LTV1: variants seen among roughly 807,000 people sequenced by gnomAD.
LTV1 encodes the protein protein LTV1 homolog.
Under a neutral mutation model 59.9 loss-of-function variants are expected in LTV1, and 39 were observed. That is an observed-to-expected ratio of 0.65 (90% confidence interval 0.50 to 0.85). The LOEUF is 0.85. Among genes scored for constraint, LTV1 ranks in the 40% least tolerant of loss-of-function variants. LTV1 has a pLI of 0.00. For synonymous variants in LTV1, 171 were observed against 189.5 expected, an observed-to-expected ratio of 0.90 and a Z score of 0.80; for missense variants, 493 against 549.1, an observed-to-expected ratio of 0.90 and a Z score of 1.02.
rs542585631 is a variant in LTV1, at chr6:143,857,374, A to G, written c.469A>G (p.Asn157Asp). ...DDDFDFDDPD[N>D]LLEDDFILQA... ...TGATTTTGACTTTGATGATCCAGAT[A>G]ATCTGCTTGAGGATGACTTTATTCT... Residue 157 changes from asparagine (N) to aspartate (D), a missense_variant, in exon 5 of 11, where the codon AAT becomes GAT. Asn to Asp is a conservative substitution (Grantham distance 23, BLOSUM62 1). Coordinates refer to ENST00000367576, the MANE Select transcript of LTV1 (RefSeq NM_032860.5). The surrounding 1 kb of genome is among the most constrained non-coding windows in gnomAD (Gnocchi z 5.2). 1 of 1,614,088 alleles carries G rather than the reference A, an allele frequency of 6.2e-7. No individual in the cohort carries two copies. Among genetic ancestry groups the G allele is most frequent in the South Asian group, 1.1e-5 (1 of 91,084 alleles).
At chr6:143,854,439 C>G (rs1385666219) in intron 4 of LTV1, among the ~76,000 whole-genome samples, 2 of 151,924 alleles carry the variant, frequency 1.3e-5, no homozygotes, top group Admixed American at 1.3e-4. Flanking sequence ...GTTTTCGTGT[C>G]TCTATCTCCT....
At chr6:143,856,155 C>T (rs934312928) in intron 4 of LTV1, among the ~76,000 whole-genome samples, 1 of 152,138 alleles carries the variant, frequency 6.6e-6, no homozygotes, top group African/African-American at 2.4e-5. Context: ...TTTCTCTAAT[C>T]TTGTCTTCAC....
In LTV1 at chr6:143,849,980, C is replaced by A. The variant is rs533011688; in HGVS notation, c.310-151C>A. ...GTTATAGGACCATGGTCCAGTAAGA[C>A]CTCATCTTATTATAGTTGAGAGGAC... On this transcript the variant is annotated intron_variant, in intron 3 of 10. Coordinates refer to ENST00000367576, the MANE Select transcript of LTV1 (RefSeq NM_032860.5). 5.8e-4 allele frequency: 338 copies of A among 583,994 alleles called. 1 individual carries two copies. The highest frequency in any genetic ancestry group is 5.4e-3 in the African/African-American group (288 of 53,204). 36.2% of individuals were successfully genotyped at this position (583,994 alleles called of 1,614,324 possible).
At chr6:143,858,336 A>C (rs560651184) in intron 6 of LTV1, 1 of 250,458 alleles carries the variant, frequency 4.0e-6, no homozygotes, top group East Asian at 8.4e-5. Flanking sequence ...TGGGTAACCA[A>C]AAGTAGCTGT....
chr6:143,853,868 G>A (rs1346904879), intron 4 of LTV1, among the ~76,000 whole-genome samples: 2 of 152,160 alleles, frequency 1.3e-5, no homozygotes, highest in East Asian at 1.9e-4. Context: ...TTTTATTGAC[G>A]ATTTTCGCAT....
intron 3 of LTV1, among the ~76,000 whole-genome samples, chr6:143,849,338 G>C (rs1037979811): frequency 6.6e-6 from 1 of 152,118 alleles, no homozygotes; most frequent in African/African-American, 2.4e-5. Context: ...CTAGAGATTA[G>C]GACATTATCT....
rs1398371955 is a variant in LTV1, at chr6:143,850,112, G to A, written c.310-19G>A. Reference sequence around the variant, plus strand: ...GAATTTCCAAATAAACCTAACCATTGTGCAATTTCTTTTTCAAGAGCACTG... The same window carrying A: ...GAATTTCCAAATAAACCTAACCATTATGCAATTTCTTTTTCAAGAGCACTG... On this transcript the variant is annotated intron_variant, in intron 3 of 10. Transcript: ENST00000367576. 1 of 1,597,884 alleles carries A rather than the reference G, an allele frequency of 6.3e-7. No homozygotes were observed. Among genetic ancestry groups the A allele is most frequent in the Admixed American group, 1.7e-5 (1 of 59,310 alleles).
Position 143,844,595 on chromosome 6 carries a change from G to T in LTV1, c.113G>T (p.Arg38Met), listed in dbSNP as rs776971542. 5.0e-6 allele frequency: 8 copies of T among 1,613,794 alleles called. No homozygotes were observed. The East Asian group carries it at 1.6e-4, about 31-fold the overall frequency. ...PLAADESAPQ[R>M]VLLPTQKIDN... ...GCAGCAGATGAGAGTGCACCCCAGAGGGTTCTATTGCCCACACAAAAAGTA... is the reference window on the plus strand; with the variant it reads ...GCAGCAGATGAGAGTGCACCCCAGATGGTTCTATTGCCCACACAAAAAGTA... The change falls in exon 2 of 11, where the codon AGG becomes ATG. Residue 38 changes from arginine to methionine, a missense_variant. By Grantham distance (91) the Arg-to-Met change is moderately conservative. Coordinates refer to ENST00000367576, the MANE Select transcript of LTV1 (RefSeq NM_032860.5).
intron 3 of LTV1, among the ~76,000 whole-genome samples, chr6:143,848,407 A>G (rs1483823596): frequency 6.6e-6 from 1 of 152,144 alleles, no homozygotes; most frequent in Non-Finnish European, 1.5e-5. Context: ...ATCTTTGCCC[A>G]TGTTTGTGCT....
chr6:143,850,773 A>G (rs1481065141), intron 4 of LTV1, among the ~76,000 whole-genome samples: 1 of 152,212 alleles, frequency 6.6e-6, no homozygotes, highest in Non-Finnish European at 1.5e-5. Context: ...TAATTAATTT[A>G]TTGTACAGAT....
Position 143,863,629 on chromosome 6 carries a change from C to T in LTV1, c.*102C>T. 1.5e-6 allele frequency: 1 copy of T among 650,824 alleles called. No individual in the cohort carries two copies. The highest frequency in any genetic ancestry group is 2.6e-6 in the Non-Finnish European group (1 of 381,374). 40.3% of individuals were successfully genotyped at this position (650,824 alleles called of 1,614,324 possible). The stretch of plus-strand genomic sequence containing the variant: ...CAAAACTGTTTGCCATTTTTACTGG[C>T]AGATAAGAGGAAAATACAATATTTG... On this transcript the variant is annotated 3_prime_UTR_variant, in exon 11 of 11. Transcript: ENST00000367576. This position sits in a 1 kb window ranked among gnomAD's most constrained non-coding sequence, Gnocchi z 4.5.
chr6:143,860,596 A>G (rs933872954), intron 7 of LTV1, 43 bp downstream of exon 7: 22 of 1,536,530 alleles, frequency 1.4e-5, no homozygotes, highest in Admixed American at 4.2e-5. Context: ...TCTTTTTTTT[A>G]AAAAAGAAAA....
chr6:143,854,828 C>T (rs1019032382), intron 4 of LTV1, among the ~76,000 whole-genome samples: 5 of 152,086 alleles, frequency 3.3e-5, no homozygotes, highest in Middle Eastern at 3.4e-3. Context: ...TTATGATTGC[C>T]ATTCTTTTGC....
chr6:143,858,916 C>A (rs1777120647), intron 6 of LTV1, among the ~76,000 whole-genome samples: 2 of 152,056 alleles, frequency 1.3e-5, no homozygotes, highest in South Asian at 2.1e-4. Context: ...TAGTTATTGT[C>A]GTTTTCCCTT....
intron 6 of LTV1, among the ~76,000 whole-genome samples, chr6:143,859,874 C>T (rs965179190): frequency 1.3e-5 from 2 of 152,134 alleles, no homozygotes; most frequent in Non-Finnish European, 2.9e-5. Context: ...GAGGCCGAAG[C>T]AGATGGATCA....
At position 143,862,847 on chromosome 6, in the gene LTV1, C is replaced by T. The variant is rs754163185; in HGVS notation, c.1067C>T (p.Thr356Ile). Reference sequence around the variant, plus strand: ...TGACTTTTATTTGTTTGTTTAGGTACATACTCAAATTTATATAACCATCCA... The same window carrying T: ...TGACTTTTATTTGTTTGTTTAGGTATATACTCAAATTTATATAACCATCCA... ...EKWDCESICS[T>I]YSNLYNHPQL... The change falls in exon 9 of 11, where the codon ACA becomes ATA. Residue 356 changes from threonine to isoleucine, a missense_variant. Thr to Ile is a moderately conservative substitution (Grantham distance 89). Transcript: ENST00000367576. This position sits in a 1 kb window ranked among gnomAD's most constrained non-coding sequence, Gnocchi z 4.2. The T allele has an allele frequency of 6.4e-6, 10 of 1,561,536 alleles. No homozygotes were observed. In the East Asian group the frequency reaches 2.2e-4, roughly 35 times the overall value.
At chr6:143,860,379 T>G in intron 6 of LTV1, 47 bp from the exon 7 acceptor site, 3 of 1,586,406 alleles carry the variant, frequency 1.9e-6, no homozygotes, top group Non-Finnish European at 2.6e-6. Context: ...GTAGTCTTAC[T>G]GAGTACATTT....
chr6:143,861,457 GA>G (rs1230855787), intron 7 of LTV1, among the ~76,000 whole-genome samples: 2 of 151,914 alleles, frequency 1.3e-5, no homozygotes, highest in Non-Finnish European at 2.9e-5. Flanking sequence ...GAAATAAAGG[GA>G]CACATTCCCC....
chr6:143,843,703 T>C (rs1228629242), intron 1 of LTV1, among the ~76,000 whole-genome samples: 1 of 152,122 alleles, frequency 6.6e-6, no homozygotes. Flanking sequence ...GAGAGGAGAA[T>C]GGCCTTTTTG....
Sources: gnomAD v4.1 joint callset for allele counts (sites outside exome capture counted in the v4.1 genomes callset) on GRCh38, gnomAD v4.1.1 for gene constraint, Gnocchi (gnomAD v3.1) non-coding constraint, MANE v1.5 for transcripts, NCBI Gene and HGNC (gene_info 2026-07-23, HGNC 2026-07-21) for gene names.